Variants in IKZF3 observed in about 807,000 individuals in gnomAD.
The protein encoded by IKZF3 is IKAROS family zinc finger 3, also known as zinc finger protein Aiolos.
IKZF3 carries 10 observed loss-of-function variants against 49.0 expected under a neutral mutation model. The ratio of observed to expected loss-of-function variants is 0.20; its 90% CI spans 0.13 to 0.35. IKZF3 has a LOEUF of 0.35. Ranked by LOEUF, IKZF3 falls within the 10% of genes least tolerant of loss-of-function variation. The pLI is 1.00. For missense variants in IKZF3, 498 were observed against 664.8 expected, an observed-to-expected ratio of 0.75 and a Z score of 2.76; for synonymous variants, 209 against 228.2, an observed-to-expected ratio of 0.92 and a Z score of 0.76.
In IKZF3 at chr17:39,803,574, C is replaced by A. The variant is rs371346681; in HGVS notation, c.164-10641G>T. On this transcript the variant is annotated intron_variant, in intron 3 of 7. Transcript: ENST00000346872. ...TGTTGCCCAGGCTGGAGTGCAATGG[C>A]GCGATCTCGGCTCACAGCAACCTCC... 6.0e-5 allele frequency among the ~76,000 whole-genome samples: 9 copies of A among 149,546 alleles called. No homozygotes were observed. In the East Asian group the frequency reaches 1.6e-3, roughly 26 times the overall value.
chr17:39,765,635 G>T lies in IKZF3; in HGVS notation c.*155C>A. The T allele has an allele frequency of 3.5e-6, 2 of 567,884 alleles. No individual in the cohort carries two copies. Among genetic ancestry groups the T allele is most frequent in the Non-Finnish European group, 3.1e-6 (1 of 323,702 alleles). The allele number at this position is 567,884 out of a possible 1,614,324, so 35.2% of individuals were successfully genotyped here. A position where few individuals can be genotyped will look rare whatever the true frequency, so the allele number is the denominator to read the frequency against. On this transcript the variant is annotated 3_prime_UTR_variant, in exon 8 of 8. Transcript: ENST00000346872. ...GACCTGCGAATAATTTCTGAAGGAA[G>T]ACAGTGTTTCCCTGGCTACCCCTGT...
At chr17:39,771,357 T>C (rs2060436990) in intron 7 of IKZF3, among the ~76,000 whole-genome samples, 1 of 152,224 alleles carries the variant, frequency 6.6e-6, no homozygotes, top group Admixed American at 6.5e-5. Context: ...GTGTAAGCAC[T>C]CTATTCCCAT....
intron 3 of IKZF3, among the ~76,000 whole-genome samples, chr17:39,813,811 T>A (rs1009619118): frequency 6.6e-6 from 1 of 152,190 alleles, no homozygotes. Flanking sequence ...CTGCATCCCA[T>A]GAGTGACAGG....
chr17:39,851,964 C>G (rs898128901), intron 1 of IKZF3, among the ~76,000 whole-genome samples: 1 of 152,118 alleles, frequency 6.6e-6, no homozygotes, highest in Non-Finnish European at 1.5e-5. Context: ...TGCATCTACA[C>G]CAACCACTCA....
At chr17:39,784,934 G>T (rs1269523789) in intron 6 of IKZF3, among the ~76,000 whole-genome samples, 1 of 152,148 alleles carries the variant, frequency 6.6e-6, no homozygotes, top group Non-Finnish European at 1.5e-5. Flanking sequence ...TCCCCTTGCA[G>T]GCAGGTTTGT....
chr17:39,765,467 A>G lies in IKZF3; in HGVS notation c.*323T>C. On this transcript the variant is annotated 3_prime_UTR_variant, in exon 8 of 8. Coordinates refer to ENST00000346872, the MANE Select transcript of IKZF3 (RefSeq NM_012481.5). Reference sequence around the variant, plus strand: ...CGTGTGGTTGATATATCTCAGAAAGAATGTTTCATATAGCACATCTCCGGG... The same window carrying G: ...CGTGTGGTTGATATATCTCAGAAAGGATGTTTCATATAGCACATCTCCGGG... The G allele has an allele frequency of 4.7e-6, 1 of 210,920 alleles. No homozygotes were observed. The highest frequency in any genetic ancestry group is 2.3e-5 in the African/African-American group (1 of 43,562). The allele number at this position is 210,920 out of a possible 1,614,324, so 13.1% of individuals were successfully genotyped here.
chr17:39,850,523 A>ACATGTACATATAGTATATAG (rs1568063687), intron 1 of IKZF3, among the ~76,000 whole-genome samples: 5 of 35,546 alleles, frequency 1.4e-4, no homozygotes, highest in African/African-American at 6.7e-4. Context: ...AGCATATTAT[A>ACATGTACATATAGTATATAG]CATATTATAC....
At chr17:39,836,901 T>C (rs1038215854) in intron 1 of IKZF3, among the ~76,000 whole-genome samples, 6 of 152,200 alleles carry the variant, frequency 3.9e-5, no homozygotes, top group African/African-American at 1.4e-4. Context: ...AATAGTACTT[T>C]CTAATTACCC....
intron 3 of IKZF3, among the ~76,000 whole-genome samples, chr17:39,826,271 G>A (rs1399939484): frequency 6.6e-6 from 1 of 152,206 alleles, no homozygotes; most frequent in Non-Finnish European, 1.5e-5. Flanking sequence ...TTGAACTCCT[G>A]AGCTCAAGCA....
At chr17:39,841,771 G>A (rs1247429161) in intron 1 of IKZF3, among the ~76,000 whole-genome samples, 5 of 152,084 alleles carry the variant, frequency 3.3e-5, no homozygotes, top group East Asian at 1.9e-4. Context: ...TAGGCCAGGC[G>A]AGGTGACTCA....
chr17:39,824,981 C>T (rs754594875), intron 3 of IKZF3, among the ~76,000 whole-genome samples: 1 of 152,138 alleles, frequency 6.6e-6, no homozygotes, highest in Non-Finnish European at 1.5e-5. Flanking sequence ...GGGTGTGAGC[C>T]ACCGCACCTG....
chr17:39,758,414 C>G lies in IKZF3; in HGVS notation c.*7376G>C, dbSNP rs887440943. 10 of 152,056 alleles carry G rather than the reference C, an allele frequency of 6.6e-5. No individual in the cohort carries two copies. The highest frequency in any genetic ancestry group is 1.5e-4 in the Non-Finnish European group (10 of 68,012). 9.4% of individuals were successfully genotyped at this position (152,056 alleles called of 1,614,324 possible). ...GGGATCAGTCATTTTTTAGGCTGCC[C>G]CATTTTCCTAACATGTTAAAATGTG... On this transcript the variant is annotated 3_prime_UTR_variant, in exon 8 of 8. Coordinates refer to ENST00000346872, the MANE Select transcript of IKZF3 (RefSeq NM_012481.5).
chr17:39,772,016 G>A (rs1313624986), intron 7 of IKZF3, among the ~76,000 whole-genome samples: 1 of 151,862 alleles, frequency 6.6e-6, no homozygotes, highest in Non-Finnish European at 1.5e-5. Context: ...CTAAAGTGCT[G>A]GGATTACAGG....
chr17:39,822,541 C>A (rs1048495198), intron 3 of IKZF3, among the ~76,000 whole-genome samples: 2 of 149,698 alleles, frequency 1.3e-5, no homozygotes, highest in African/African-American at 2.5e-5. Flanking sequence ...AATTAAACTT[C>A]TTTTCTTCTT....
chr17:39,850,589 T>TATA (rs2062801614), intron 1 of IKZF3, among the ~76,000 whole-genome samples: 6 of 103,640 alleles, frequency 5.8e-5, no homozygotes, highest in African/African-American at 2.3e-4. Context: ...ATATTATACA[T>TATA]GTACATATAA....
chr17:39,792,932 A>T lies in IKZF3; in HGVS notation c.165T>A (p.Asp55Glu), dbSNP rs376907079. The T allele has an allele frequency of 2.5e-6, 4 of 1,612,216 alleles. No individual in the cohort carries two copies. The South Asian group carries it at 3.3e-5, about 13-fold the overall frequency. ...ATTCATCTTTCACTTTCATTGAATC[A>T]TCTGCAGGGAAGAAAATGCAAGAAA... is the stretch of plus-strand genomic sequence containing the variant. ...GPANEDEDIG[D>E]DSMKVKDEYS... Residue 55 changes from aspartate to glutamate, a missense_variant and splice_region_variant, in exon 4 of 8, where the codon GAT (aspartate) becomes GAA (glutamate). This residue lies in a region of IKZF3 where 97 missense variants were observed against 98.9 expected (regional missense o/e 0.98). Coordinates refer to ENST00000346872, the MANE Select transcript of IKZF3 (RefSeq NM_012481.5).
In IKZF3 at chr17:39,792,893, ATCTCTTTCACTGTAT is replaced by A. The variant is rs1414009548; in HGVS notation, c.189_203del (p.Glu63_Arg67del). 6.2e-7 allele frequency: 1 copy of A among 1,614,040 alleles called. No homozygotes were observed. Among genetic ancestry groups the A allele is most frequent in the South Asian group, 1.1e-5 (1 of 91,078 alleles). On this transcript the variant is annotated inframe_deletion, in exon 4 of 8. Coordinates refer to ENST00000346872, the MANE Select transcript of IKZF3 (RefSeq NM_012481.5). The stretch of plus-strand genomic sequence containing the variant: ...TGGGTTCTGACTTTAAAACATTCTC[ATCTCTTTCACTGTAT>A]TCATCTTTCACTTTCATTGAATCAT...
chr17:39,785,993 G>C (rs2060865100), intron 6 of IKZF3, among the ~76,000 whole-genome samples: 1 of 152,216 alleles, frequency 6.6e-6, no homozygotes, highest in South Asian at 2.1e-4. Context: ...TATGTGAAAT[G>C]TCCAGAACAG....
intron 7 of IKZF3, among the ~76,000 whole-genome samples, chr17:39,772,450 A>ATC (rs1402413742): frequency 1.3e-5 from 2 of 152,326 alleles, no homozygotes; most frequent in Non-Finnish European, 2.9e-5. Flanking sequence ...CACTCTTACT[A>ATC]TCAGCACACA....
Sources: gnomAD v4.1 joint callset for allele counts (sites outside exome capture counted in the v4.1 genomes callset) on GRCh38, gnomAD v4.1.1 for gene constraint, gnomAD v4.1.1 regional missense constraint, MANE v1.5 for transcripts, NCBI Gene and HGNC (gene_info 2026-07-23, HGNC 2026-07-21) for gene names.